The following WDR72 variants were observed in gnomAD, a reference collection of about 807,000 sequenced individuals.
WDR72 encodes the protein WD repeat-containing protein 72.
Under a neutral mutation model 124.2 loss-of-function variants are expected in WDR72, and 120 were observed. The ratio of observed to expected loss-of-function variants is 0.97; its 90% confidence interval spans 0.83 to 1.12. The LOEUF is 1.12. WDR72 is among the 50% of genes most tolerant of loss of function. The pLI is 0.00. For missense variants in WDR72, 1,387 were observed against 1,278.8 expected (o/e 1.08, Z -1.29); for synonymous variants, 452 against 441.7 (o/e 1.02, Z -0.29).
chr15:53,648,450 A>C (rs1364345444), intron 14 of WDR72, among the ~76,000 whole-genome samples: 1 of 152,180 alleles, frequency 6.6e-6, no homozygotes, highest in Non-Finnish European at 1.5e-5. Context: ...CAGCAGTATC[A>C]AGTTGATGCT....
At chr15:53,713,642 G>A (rs112330791) in intron 6 of WDR72, among the ~76,000 whole-genome samples, 6,655 of 151,482 alleles carry the variant, frequency 0.044, 427 homozygotes, top group African/African-American at 0.14. Flanking sequence ...ATTTTTAGTA[G>A]AGACGAGGTT....
intron 14 of WDR72, among the ~76,000 whole-genome samples, chr15:53,617,416 T>C (rs1312366579): frequency 2.0e-5 from 3 of 151,660 alleles, no homozygotes; most frequent in African/African-American, 7.3e-5. Flanking sequence ...TGTTGTGTTT[T>C]TGGTTTGGTT....
chr15:53,622,634 CA>C (rs1325948210), intron 14 of WDR72, among the ~76,000 whole-genome samples: 1 of 151,764 alleles, frequency 6.6e-6, no homozygotes, highest in Non-Finnish European at 1.5e-5. Flanking sequence ...GAGGAGGGAG[CA>C]GGGGGAGGGA....
chr15:53,706,225 T>C lies in WDR72; in HGVS notation c.955-151A>G, dbSNP rs945541344. The C allele has an allele frequency of 1.1e-5, 11 of 995,278 alleles. No individual in the cohort carries two copies. In the African/African-American group the frequency reaches 1.3e-4, roughly 12 times the overall value. The allele number at this position is 995,278 out of a possible 1,614,324, so 61.7% of individuals were successfully genotyped here. On this transcript the variant is annotated intron_variant, in intron 9 of 19. Transcript: ENST00000360509. ...ACATTTTCAAGTAAATTAAATGAAA[T>C]AATCTGTGATCTAGGACTAAAGAGG...
intron 18 of WDR72, among the ~76,000 whole-genome samples, chr15:53,554,104 G>A (rs1219176204): frequency 6.6e-6 from 1 of 152,018 alleles, no homozygotes; most frequent in Non-Finnish European, 1.5e-5. Flanking sequence ...AAGATTTCAG[G>A]AGCCTGGCCA....
intron 17 of WDR72, among the ~76,000 whole-genome samples, chr15:53,600,610 G>C (rs1178802165): frequency 1.3e-5 from 2 of 152,138 alleles, no homozygotes; most frequent in Non-Finnish European, 2.9e-5. Context: ...CCTTGGAAGA[G>C]CAAAATACTG....
At chr15:53,627,578 G>C (rs766356434) in intron 14 of WDR72, among the ~76,000 whole-genome samples, 4 of 152,142 alleles carry the variant, frequency 2.6e-5, no homozygotes, top group Non-Finnish European at 4.4e-5. Flanking sequence ...AACTAACTCA[G>C]AAGCTTCAAA....
At chr15:53,650,172 GA>G in intron 14 of WDR72, among the ~76,000 whole-genome samples, 2 of 152,268 alleles carry the variant, frequency 1.3e-5, no homozygotes, top group South Asian at 4.2e-4. Flanking sequence ...TATGCTAAGT[GA>G]AATAAGCAGT....
intron 18 of WDR72, among the ~76,000 whole-genome samples, chr15:53,574,613 T>G (rs1471465514): frequency 6.6e-6 from 1 of 152,172 alleles, no homozygotes; most frequent in Non-Finnish European, 1.5e-5. Flanking sequence ...TGCAATTAAT[T>G]TTATTCAAAC....
intron 18 of WDR72, among the ~76,000 whole-genome samples, chr15:53,591,739 TTCTGATGTAGCA>T (rs1401267201): frequency 2.7e-5 from 4 of 149,820 alleles, no homozygotes. Flanking sequence ...CATATATACC[TTCTGATGTAGCA>T]TAAGTTAAGT....
At chr15:53,556,335 G>A (rs1893931478) in intron 18 of WDR72, among the ~76,000 whole-genome samples, 2 of 152,116 alleles carry the variant, frequency 1.3e-5, no homozygotes, top group African/African-American at 4.8e-5. Flanking sequence ...AAAGGTTTGT[G>A]TTCCTTTCTT....
chr15:53,620,065 T>C (rs28521696), intron 14 of WDR72, among the ~76,000 whole-genome samples: 3 of 152,064 alleles, frequency 2.0e-5, no homozygotes, highest in African/African-American at 7.2e-5. Flanking sequence ...TTTGGCAACA[T>C]GTATCAATAA....
At position 53,733,155 on chromosome 15, in the gene WDR72, G is replaced by A. The variant is rs1391484109; in HGVS notation, c.-6C>T. The A allele has an allele frequency of 6.2e-7, 1 of 1,613,614 alleles. No homozygotes were observed. Among genetic ancestry groups the A allele is most frequent in the Non-Finnish European group, 8.5e-7 (1 of 1,179,930 alleles). On this transcript the variant is annotated 5_prime_UTR_variant, in exon 2 of 20. Coordinates refer to ENST00000360509, the MANE Select transcript of WDR72 (RefSeq NM_182758.4). ...GCCTGCAGGGAAGTCCTCATTTTGG[G>A]CGAATCCTGACATACAAAGAAGGGA... is the stretch of plus-strand genomic sequence containing the variant.
chr15:53,602,033 A>G (rs2013067356), intron 17 of WDR72, among the ~76,000 whole-genome samples: 1 of 152,172 alleles, frequency 6.6e-6, no homozygotes, highest in Non-Finnish European at 1.5e-5. Context: ...ACAACAGATT[A>G]TACATTTCTC....
intron 18 of WDR72, among the ~76,000 whole-genome samples, chr15:53,551,229 T>G (rs930809719): frequency 6.6e-6 from 1 of 152,068 alleles, no homozygotes; most frequent in African/African-American, 2.4e-5. Context: ...GGGAGGTGAC[T>G]GGCAAAAATG....
At chr15:53,589,733 C>T (rs564858044) in intron 18 of WDR72, among the ~76,000 whole-genome samples, 2 of 152,112 alleles carry the variant, frequency 1.3e-5, no homozygotes, top group South Asian at 2.1e-4. Context: ...CTGGGCAGAG[C>T]CAGGCTGGCA....
At chr15:53,538,778 G>A (rs1246186041) in intron 18 of WDR72, among the ~76,000 whole-genome samples, 1 of 152,000 alleles carries the variant, frequency 6.6e-6, no homozygotes, top group African/African-American at 2.4e-5. Context: ...ACACACAGCA[G>A]ATCACAGAAT....
chr15:53,565,727 A>T (rs555761903), intron 18 of WDR72, among the ~76,000 whole-genome samples: 6 of 151,728 alleles, frequency 4.0e-5, no homozygotes, highest in Non-Finnish European at 8.8e-5. Flanking sequence ...AGAATTAGCT[A>T]GTACCTAAGT....
intron 18 of WDR72, among the ~76,000 whole-genome samples, chr15:53,571,770 ATT>A (rs55973676): frequency 0.32 from 47,840 of 147,794 alleles, 7,968 homozygotes; most frequent in Admixed American, 0.42. Flanking sequence ...TCTATTTTTC[ATT>A]TTTTTTTTTT....
Sources: allele counts gnomAD v4.1 joint callset (sites outside exome capture counted in the v4.1 genomes callset), GRCh38; gene constraint gnomAD v4.1.1; transcripts MANE v1.5; gene names NCBI Gene and HGNC (gene_info 2026-07-23, HGNC 2026-07-21).